Variants in RNF215 observed in about 807,000 individuals in gnomAD.
RNF215 encodes the protein ring finger protein 215.
In RNF215, 41 loss-of-function variants were observed where a neutral mutation model predicts 44.8. That is an observed-to-expected ratio of 0.92 (90% CI 0.71 to 1.19). The LOEUF (loss-of-function observed/expected upper bound fraction) is 1.19. Ranked by LOEUF, RNF215 falls within the 50% of genes most tolerant of loss-of-function variation. RNF215 has a pLI of 0.00. For missense variants in RNF215, 452 were observed against 496.2 expected (o/e 0.91, Z 0.85); for synonymous variants, 218 against 230.1 (o/e 0.95, Z 0.48).
chr22:30,384,285 T>A, intron 5 of RNF215, 54 bp downstream of exon 5: 2 of 1,564,376 alleles, frequency 1.3e-6, no homozygotes, highest in South Asian at 1.1e-5. Flanking sequence ...AAGCCATGTA[T>A]ATGGCCCCAC....
chr22:30,380,291 G>T lies in RNF215; in HGVS notation c.855C>A (p.Leu285=), dbSNP rs764844213. The T allele has an allele frequency of 4.3e-6, 7 of 1,610,512 alleles. No individual in the cohort carries two copies. Among genetic ancestry groups the T allele is most frequent in the Admixed American group, 1.7e-5 (1 of 59,854 alleles). ...TGGGGCTGGCTCCCACCTGGCCTCCGAGCTCCCGCTGGCTCTGCCGCGACG... is the reference window on the plus strand; with the variant it reads ...TGGGGCTGGCTCCCACCTGGCCTCCTAGCTCCCGCTGGCTCTGCCGCGACG... ...RQASRQSQRE[L]GGQVDLFKRR... The change falls in exon 6 of 9, where the codon CTC becomes CTA. Residue 285 remains leucine, a synonymous_variant. Transcript: ENST00000382363. The surrounding 1 kb of genome is among the most constrained non-coding windows in gnomAD (Gnocchi z 5.3).
chr22:30,380,216 A>G lies in RNF215; in HGVS notation c.865-11T>C. 15 of 1,613,408 alleles carry G rather than the reference A, an allele frequency of 9.3e-6. No homozygotes were observed. Among genetic ancestry groups the G allele is most frequent in the Non-Finnish European group, 1.3e-5 (15 of 1,179,742 alleles). ...CTTAAACAGGTCCACCTGTGGGGAG[A>G]GGACGGGCACAGTCTTGCAGGTCCA... On this transcript the variant is annotated splice_polypyrimidine_tract_variant and intron_variant, in intron 6 of 8. Coordinates refer to ENST00000382363, the MANE Select transcript of RNF215 (RefSeq NM_001017981.2). This position sits in a 1 kb window ranked among gnomAD's most constrained non-coding sequence, Gnocchi z 5.3.
rs1569198559 is a variant in RNF215 at position 30,380,718 on chromosome 22, CCAACCCAGCACCCAG to C, written c.745-332_745-318del. On this transcript the variant is annotated intron_variant, in intron 5 of 8. Transcript: ENST00000382363. The surrounding 1 kb of genome is among the most constrained non-coding windows in gnomAD (Gnocchi z 5.3). ...TCTATCTGGTAGCCTCAGAGACTCC[CCAACCCAGCACCCAG>C]CAACCCAGCACCCAGCCTGGGACCT... Among the ~76,000 whole-genome samples the C allele has an allele frequency of 6.6e-6, 1 of 152,104 alleles. No individual in the cohort carries two copies. The highest frequency in any genetic ancestry group is 2.4e-5 in the African/African-American group (1 of 41,398).
At chr22:30,381,220 C>T (rs1933525659) in intron 5 of RNF215, among the ~76,000 whole-genome samples, 1 of 152,220 alleles carries the variant, frequency 6.6e-6, no homozygotes, top group Non-Finnish European at 1.5e-5. Flanking sequence ...ACCCAGCGTT[C>T]CCTTGCAGCT....
In RNF215 at chr22:30,380,442, C is replaced by A; in HGVS notation, c.745-41G>T. On this transcript the variant is annotated intron_variant, in intron 5 of 8. Transcript: ENST00000382363. The surrounding 1 kb of genome is among the most constrained non-coding windows in gnomAD (Gnocchi z 5.3). ...GTCATCAGGGACATGGGGCCACCCC[C>A]ACACGCCTCCCTTAGGAACATCTAC... The A allele has an allele frequency of 6.4e-7, 1 of 1,562,488 alleles. No individual in the cohort carries two copies. The highest frequency in any genetic ancestry group is 8.7e-7 in the Non-Finnish European group (1 of 1,153,648).
chr22:30,387,192 G>T lies in RNF215; in HGVS notation c.122C>A (p.Ala41Asp). The T allele has an allele frequency of 1.9e-6, 2 of 1,032,250 alleles. No homozygotes were observed. The highest frequency in any genetic ancestry group is 2.3e-6 in the Non-Finnish European group (2 of 858,308). The allele number at this position is 1,032,250 out of a possible 1,614,324, so 63.9% of individuals were successfully genotyped here. The change falls in exon 1 of 9, where the codon GCC becomes GAC. Residue 41 changes from alanine (A) to aspartate (D), a missense_variant. Physicochemically the swap from Ala to Asp is moderately radical, Grantham distance 126. Coordinates refer to ENST00000382363, the MANE Select transcript of RNF215 (RefSeq NM_001017981.2). ...CGCCGGCTCGCTGCCGTCCGCCGCG[G>T]CCCCGGGCCCCGCCAGGCCCAGCCA... ...PLWLGLAGPG[A>D]AADGSEPAAG...
In RNF215 at chr22:30,380,675, T is replaced by C. The variant is rs1224666177; in HGVS notation, c.745-274A>G. On this transcript the variant is annotated intron_variant, in intron 5 of 8. Coordinates refer to ENST00000382363, the MANE Select transcript of RNF215 (RefSeq NM_001017981.2). This position sits in a 1 kb window ranked among gnomAD's most constrained non-coding sequence, Gnocchi z 5.3. ...GCTCTCTGGGCAACAAACCTGATGT[T>C]TTGCATACACAGAAGCTTCTATCTG... Among the ~76,000 whole-genome samples, 1 of 152,016 alleles carries C rather than the reference T, an allele frequency of 6.6e-6. No homozygotes were observed. The highest frequency in any genetic ancestry group is 1.5e-5 in the Non-Finnish European group (1 of 67,980).
rs756943329 is a variant in RNF215 at position 30,379,695 on chromosome 22, C to T, written c.1111+16G>A. The stretch of plus-strand genomic sequence containing the variant: ...GCAGGCAGAGTAGGCCGAGGGACCC[C>T]ACCCCTGGTGCTCACCCAGGACGTT... On this transcript the variant is annotated intron_variant, in intron 8 of 8. Transcript: ENST00000382363. 4.5e-6 allele frequency: 7 copies of T among 1,553,422 alleles called. No homozygotes were observed. The highest frequency in any genetic ancestry group is 6.1e-6 in the Non-Finnish European group (7 of 1,148,128).
At position 30,380,501 on chromosome 22, in the gene RNF215, A is replaced by G. The variant is rs1479798757; in HGVS notation, c.745-100T>C. The G allele has an allele frequency of 2.1e-6, 3 of 1,425,472 alleles. No individual in the cohort carries two copies. The South Asian group carries it at 4.3e-5, about 20-fold the overall frequency. The allele number at this position is 1,425,472 out of a possible 1,614,324, so 88.3% of individuals were successfully genotyped here. On this transcript the variant is annotated intron_variant, in intron 5 of 8. Transcript: ENST00000382363. The surrounding 1 kb of genome is among the most constrained non-coding windows in gnomAD (Gnocchi z 5.3). ...ACGCCAGGGAGCAGGCAGGTGAGGT[A>G]TGCTGACGGCCTCTGTGTCCCTGCA...
rs199629289 is a variant in RNF215 at position 30,384,427 on chromosome 22, G to T, written c.656C>A (p.Thr219Asn). Residue 219 changes from threonine to asparagine, a missense_variant, in exon 5 of 9, where the codon ACC becomes AAC. Physicochemically the swap from Thr to Asn is moderately conservative, Grantham distance 65 (BLOSUM62 0). Transcript: ENST00000382363. ...SLSANIEWKL[T>N]LWTTCGLSKD... The stretch of plus-strand genomic sequence containing the variant: ...GGAGAGGCCACAGGTGGTCCACAAG[G>T]TCAACTTCCACTCGATATTGGCAGA... 7 of 1,614,048 alleles carry T rather than the reference G, an allele frequency of 4.3e-6. No homozygotes were observed. The East Asian group carries it at 1.6e-4, about 36-fold the overall frequency.
intron 1 of RNF215, 108 bp downstream of exon 1, chr22:30,386,921 G>C (rs949209611): frequency 1.1e-5 from 16 of 1,484,626 alleles, no homozygotes; most frequent in Admixed American, 2.2e-5. Context: ...AGGGGCGCTG[G>C]ACTCTCAAGG....
At position 30,380,342 on chromosome 22, in the gene RNF215, G is replaced by A. The variant is rs769302213; in HGVS notation, c.804C>T (p.Gly268=). The part of the protein sequence containing the change: ...ILLVAMLLCT[G]LVVQAQRQAS... ...CCTGCCGCTGGGCCTGGACCACGAG[G>A]CCTGTGCACAGGAGCATGGCCACCA... is the stretch of plus-strand genomic sequence containing the variant. Residue 268 remains glycine (G), a synonymous_variant, in exon 6 of 9, where the codon GGC becomes GGT. Coordinates refer to ENST00000382363, the MANE Select transcript of RNF215 (RefSeq NM_001017981.2). This position sits in a 1 kb window ranked among gnomAD's most constrained non-coding sequence, Gnocchi z 5.3. 4.3e-6 allele frequency: 7 copies of A among 1,611,642 alleles called. No individual in the cohort carries two copies. In the East Asian group the frequency reaches 1.6e-4, roughly 36 times the overall value.
chr22:30,386,861 G>A lies in RNF215; in HGVS notation c.286-102C>T. ...CAAGGCCAGAGTTCCCAGAGCATCT[G>A]GCTCTCTGGTTTGGGAAGCCGGAAT... On this transcript the variant is annotated intron_variant, in intron 1 of 8. Coordinates refer to ENST00000382363, the MANE Select transcript of RNF215 (RefSeq NM_001017981.2). 6 of 1,500,278 alleles carry A rather than the reference G, an allele frequency of 4.0e-6. No homozygotes were observed. In the South Asian group the frequency reaches 7.7e-5, roughly 19 times the overall value. The allele number at this position is 1,500,278 out of a possible 1,614,324, so 92.9% of individuals were successfully genotyped here. A position where few individuals can be genotyped will look rare whatever the true frequency, so the allele number is the denominator to read the frequency against.
chr22:30,386,935 G>A, intron 1 of RNF215, 94 bp downstream of exon 1: 1 of 1,497,222 alleles, frequency 6.7e-7, no homozygotes. Flanking sequence ...CTCAAGGCTT[G>A]GTGGAGGATG....
Position 30,386,704 on chromosome 22 carries a change from GCCACTGCAATCCAGCCTT to G in RNF215, c.323_340del (p.Glu108_Val113del). 1 of 1,611,696 alleles carries G rather than the reference GCCACTGCAATCCAGCCTT, an allele frequency of 6.2e-7. No homozygotes were observed. The highest frequency in any genetic ancestry group is 2.2e-5 in the East Asian group (1 of 44,878). ...GGCCGCCTGCTCCTTGCCCACGTATGCCACTGCAATCCAGCCTTCCACTGGTGCCTCCTGCTCGGCATC... is the reference window on the plus strand; with the variant it reads ...GGCCGCCTGCTCCTTGCCCACGTATGCCACTGGTGCCTCCTGCTCGGCATC... On this transcript the variant is annotated inframe_deletion, in exon 2 of 9. Transcript: ENST00000382363.
chr22:30,382,872 T>C (rs1315146027), intron 5 of RNF215, among the ~76,000 whole-genome samples: 1 of 151,988 alleles, frequency 6.6e-6, no homozygotes, highest in African/African-American at 2.4e-5. Flanking sequence ...GAGGCCGAGG[T>C]GGGCCGAATG....
chr22:30,382,546 G>A (rs2145983972), intron 5 of RNF215, among the ~76,000 whole-genome samples: 1 of 152,326 alleles, frequency 6.6e-6, no homozygotes, highest in South Asian at 2.1e-4. Context: ...CCCCATGCCA[G>A]GACTAAGTGG....
chr22:30,385,859 C>T (rs1933590679), intron 4 of RNF215, 45 bp downstream of exon 4: 1 of 1,577,588 alleles, frequency 6.3e-7, no homozygotes, highest in African/African-American at 1.3e-5. Flanking sequence ...ACCAGGGGCT[C>T]TCTGTACCCA....
chr22:30,381,217 G>A (rs1005089464), intron 5 of RNF215, among the ~76,000 whole-genome samples: 5 of 152,146 alleles, frequency 3.3e-5, no homozygotes, highest in African/African-American at 7.2e-5. Flanking sequence ...TCTACCCAGC[G>A]TTCCCTTGCA....
Sources: allele counts gnomAD v4.1 joint callset (sites outside exome capture counted in the v4.1 genomes callset), GRCh38; gene constraint gnomAD v4.1.1; non-coding constraint Gnocchi (gnomAD v3.1); transcripts MANE v1.5; gene names NCBI Gene and HGNC (gene_info 2026-07-23, HGNC 2026-07-21).